The following PRKN variants were observed in gnomAD, a reference collection of about 807,000 sequenced individuals.
PRKN encodes the protein parkin RBR E3 ubiquitin protein ligase.
Under a neutral mutation model 59.5 loss-of-function variants are expected in PRKN, and 56 were observed. That is an observed-to-expected ratio of 0.94 (90% CI 0.76 to 1.18). PRKN has a LOEUF of 1.18. PRKN is among the 50% of genes most tolerant of loss of function. The pLI, the probability that PRKN is intolerant of heterozygous loss-of-function variation, is 0.00. For synonymous variants in PRKN, 250 were observed against 222.1 expected, an observed-to-expected ratio of 1.13 and a Z score of -1.12; for missense variants, 657 against 596.4, an observed-to-expected ratio of 1.10 and a Z score of -1.06.
Position 161,359,665 on chromosome 6 carries a change from A to C in PRKN, c.1285+423T>G, listed in dbSNP as rs1784901308. ...AAATATAGACGAGGGTTTAATTTTG[A>C]ATAATGTTGCAAAGCTGGGGAAGGC... On this transcript the variant is annotated intron_variant, in intron 11 of 11. Coordinates refer to ENST00000366898, the MANE Select transcript of PRKN (RefSeq NM_004562.3). This position sits in a 1 kb window ranked among gnomAD's most constrained non-coding sequence, Gnocchi z 5.4. Among the ~76,000 whole-genome samples, 1 of 152,130 alleles carries C rather than the reference A, an allele frequency of 6.6e-6. No homozygotes were observed. The highest frequency in any genetic ancestry group is 6.5e-5 in the Admixed American group (1 of 15,270).
intron 4 of PRKN, among the ~76,000 whole-genome samples, chr6:162,146,879 G>A (rs539703087): frequency 1.6e-4 from 24 of 151,688 alleles, no homozygotes; most frequent in African/African-American, 5.6e-4. Flanking sequence ...TACAGGCATG[G>A]GCCACCACTT....
chr6:162,272,348 G>A (rs771824287), intron 2 of PRKN, among the ~76,000 whole-genome samples: 11 of 152,090 alleles, frequency 7.2e-5, no homozygotes, highest in African/African-American at 2.4e-4. Flanking sequence ...AATGCCTCAA[G>A]TATCACTTCT....
At chr6:162,314,491 C>T (rs952026307) in intron 2 of PRKN, among the ~76,000 whole-genome samples, 2 of 152,048 alleles carry the variant, frequency 1.3e-5, no homozygotes, top group Non-Finnish European at 1.5e-5. Flanking sequence ...GATGCCTTAA[C>T]ATTTCCACAT....
chr6:161,746,642 G>GTATATATCTATATAGATATATA (rs200364575), intron 7 of PRKN, among the ~76,000 whole-genome samples: 1 of 140,384 alleles, frequency 7.1e-6, no homozygotes, highest in Non-Finnish European at 1.5e-5. Context: ...ATGTATATAT[G>GTATATATCTATATAGATATATA]TATATATCTA....
chr6:162,140,053 G>A (rs921813027), intron 4 of PRKN, among the ~76,000 whole-genome samples: 2 of 152,168 alleles, frequency 1.3e-5, no homozygotes, highest in African/African-American at 4.8e-5. Context: ...TTGGGTATTT[G>A]AATGATTTTA....
chr6:161,692,870 C>A (rs749960625), intron 7 of PRKN, among the ~76,000 whole-genome samples: 9 of 151,538 alleles, frequency 5.9e-5, no homozygotes, highest in Non-Finnish European at 1.2e-4. Flanking sequence ...ATTGCTTGAA[C>A]CTGAGAGGCT....
intron 3 of PRKN, among the ~76,000 whole-genome samples, chr6:162,253,859 C>T (rs1270187403): frequency 2.0e-5 from 3 of 151,968 alleles, no homozygotes; most frequent in African/African-American, 7.3e-5. Flanking sequence ...AAAAAGTCCA[C>T]ACAATAAGCA....
rs887222862 is a variant in PRKN, at chr6:161,359,255, G to T, written c.1285+833C>A. On this transcript the variant is annotated intron_variant, in intron 11 of 11. Coordinates refer to ENST00000366898, the MANE Select transcript of PRKN (RefSeq NM_004562.3). This position sits in a 1 kb window ranked among gnomAD's most constrained non-coding sequence, Gnocchi z 5.4. ...TGTACTGAGCTAAGCCAGCACCTGC[G>T]GCTCTGGGATGTGTTCAAGCACCGT... 8.5e-5 allele frequency among the ~76,000 whole-genome samples: 13 copies of T among 152,124 alleles called. No homozygotes were observed. The highest frequency in any genetic ancestry group is 1.5e-5 in the Non-Finnish European group (1 of 68,020).
In PRKN at chr6:161,658,030, A is replaced by AAAAAAAAAAG. The variant is rs781518268; in HGVS notation, c.872-88615_872-88614insCTTTTTTTTT. On this transcript the variant is annotated intron_variant, in intron 7 of 11. Coordinates refer to ENST00000366898, the MANE Select transcript of PRKN (RefSeq NM_004562.3). ...GACTCTGTCTCAAAAAAAAAAAAAA[A>AAAAAAAAAAG]AAAAGAAAAGAAAAGAAAAAAACGG... Among the ~76,000 whole-genome samples the AAAAAAAAAAG allele has an allele frequency of 1.9e-3, 198 of 104,816 alleles. 3 individuals are homozygous for AAAAAAAAAAG. Among genetic ancestry groups the AAAAAAAAAAG allele is most frequent in the South Asian group, 2.7e-3 (8 of 3,004 alleles). 68.8% of individuals were successfully genotyped at this position (104,816 alleles called of 152,430 possible). A position where few individuals can be genotyped will look rare whatever the true frequency, so the allele number is the denominator to read the frequency against.
chr6:162,057,066 G>C (rs1325932559), intron 4 of PRKN, among the ~76,000 whole-genome samples: 1 of 152,070 alleles, frequency 6.6e-6, no homozygotes, highest in Non-Finnish European at 1.5e-5. Context: ...CTGGAGGGGG[G>C]AGGTGGTCTT....
At chr6:162,727,217 G>GA (rs1413332607) in intron 1 of PRKN, 1 of 165,810 alleles carries the variant, frequency 6.0e-6, no homozygotes, top group African/African-American at 2.4e-5. Context: ...GCGGTTTCCT[G>GA]AAAGAGCCCC....
At position 162,424,458 on chromosome 6, in the gene PRKN, G is replaced by A. The variant is rs115532861; in HGVS notation, c.171+18852C>T. Among the ~76,000 whole-genome samples the A allele has an allele frequency of 5.9e-3, 904 of 152,224 alleles. 6 individuals are homozygous for A. The highest frequency in any genetic ancestry group is 0.021 in the African/African-American group (860 of 41,540). ...AGAAACGTACCACTGGGGGTGTGCC[G>A]GGCGTGGTGGCTCACGCTTGTAATC... On this transcript the variant is annotated intron_variant, in intron 2 of 11. Coordinates refer to ENST00000366898, the MANE Select transcript of PRKN (RefSeq NM_004562.3).
chr6:161,743,386 TTTTATTTATTTA>T lies in PRKN; in HGVS notation c.871+42374_871+42385del, dbSNP rs372492770. On this transcript the variant is annotated intron_variant, in intron 7 of 11. Coordinates refer to ENST00000366898, the MANE Select transcript of PRKN (RefSeq NM_004562.3). ...AGGCGCCCGCCACCACATCCAGCTT[TTTTATTTATTTA>T]TTTATTTATTTATTTATTTATTTTG... is the stretch of plus-strand genomic sequence containing the variant. Among the ~76,000 whole-genome samples, 543 of 140,284 alleles carry T rather than the reference TTTTATTTATTTA, an allele frequency of 3.9e-3. 6 individuals carry two copies. The highest frequency in any genetic ancestry group is 0.013 in the African/African-American group (501 of 37,796). 92.0% of individuals were successfully genotyped at this position (140,284 alleles called of 152,430 possible).
At chr6:161,930,375 G>T (rs548841192) in intron 6 of PRKN, among the ~76,000 whole-genome samples, 19 of 152,230 alleles carry the variant, frequency 1.2e-4, no homozygotes, top group Non-Finnish European at 2.4e-4. Context: ...AGTGATGTAT[G>T]ATGTGCAGAC....
intron 4 of PRKN, among the ~76,000 whole-genome samples, chr6:162,158,305 C>T (rs1431096998): frequency 6.6e-6 from 1 of 151,986 alleles, no homozygotes; most frequent in Non-Finnish European, 1.5e-5. Flanking sequence ...TCTCCCAGAA[C>T]AGTGCTCCTG....
chr6:162,410,375 CA>C (rs1788293348), intron 2 of PRKN, among the ~76,000 whole-genome samples: 3 of 151,986 alleles, frequency 2.0e-5, no homozygotes, highest in Non-Finnish European at 4.4e-5. Context: ...AAAGCATATC[CA>C]AAAAATGTGC....
rs571442944 is a variant in PRKN, at chr6:162,313,031, CAAAG to C, written c.172-50270_172-50267del. Among the ~76,000 whole-genome samples the C allele has an allele frequency of 7.9e-5, 12 of 151,982 alleles. No individual in the cohort carries two copies. In the East Asian group the frequency reaches 1.5e-3, roughly 20 times the overall value. On this transcript the variant is annotated intron_variant, in intron 2 of 11. Coordinates refer to ENST00000366898, the MANE Select transcript of PRKN (RefSeq NM_004562.3). ...TCTTGATTGACCTATGCTCTCAGGC[CAAAG>C]AAAGAATTATTCATGCAATCAAATG...
chr6:162,537,370 C>A (rs1778761920), intron 1 of PRKN, among the ~76,000 whole-genome samples: 1 of 152,314 alleles, frequency 6.6e-6, no homozygotes, highest in East Asian at 1.9e-4. Flanking sequence ...GTTCCCGCTT[C>A]TTTGCTCAGG....
Position 161,578,450 on chromosome 6 carries a change from T to C in PRKN, c.872-9034A>G, listed in dbSNP as rs1781217253. 6.6e-6 allele frequency among the ~76,000 whole-genome samples: 1 copy of C among 152,256 alleles called. No individual in the cohort carries two copies. Among genetic ancestry groups the C allele is most frequent in the Non-Finnish European group, 1.5e-5 (1 of 68,042 alleles). On this transcript the variant is annotated intron_variant, in intron 7 of 11. Transcript: ENST00000366898. The surrounding 1 kb of genome is among the most constrained non-coding windows in gnomAD (Gnocchi z 4.2). ...TTAACAGGAAATCAGACGGTTCACC[T>C]GGGCAATAATAGCTCTTGTATAAGA...
Sources: allele counts gnomAD v4.1 joint callset (sites outside exome capture counted in the v4.1 genomes callset), GRCh38; gene constraint gnomAD v4.1.1; non-coding constraint Gnocchi (gnomAD v3.1); transcripts MANE v1.5; gene names NCBI Gene and HGNC (gene_info 2026-07-23, HGNC 2026-07-21).